GABRB1: variants seen among roughly 807,000 people sequenced by gnomAD.
GABRB1 encodes gamma-aminobutyric acid receptor subunit beta-1.
A neutral mutation model predicts 51.6 loss-of-function variants in GABRB1; 17 were observed. The ratio of observed to expected loss-of-function variants is 0.33; its 90% CI spans 0.23 to 0.49. GABRB1 has a LOEUF of 0.49. GABRB1 is among the 20% of genes least tolerant of loss of function. The probability of loss-of-function intolerance (pLI) is 0.99; values close to 1 mark genes in which losing one functional copy is unlikely to be tolerated. For synonymous variants in GABRB1, 247 were observed against 218.9 expected, an observed-to-expected ratio of 1.13 and a Z score of -1.14; for missense variants, 410 against 600.6, an observed-to-expected ratio of 0.68 and a Z score of 3.32.
intron 4 of GABRB1, among the ~76,000 whole-genome samples, chr4:47,199,342 A>T (rs572306518): frequency 3.3e-4 from 50 of 152,304 alleles, no homozygotes; most frequent in African/African-American, 1.1e-3. Flanking sequence ...AAAAGGTCAG[A>T]TTATTTATTC....
intron 8 of GABRB1, among the ~76,000 whole-genome samples, chr4:47,417,421 G>A (rs1213092703): frequency 6.6e-6 from 1 of 152,004 alleles, no homozygotes; most frequent in Non-Finnish European, 1.5e-5. Context: ...AAAGAGACAT[G>A]CAAAGCATCA....
chr4:47,217,701 C>CTT (rs1720608850), intron 4 of GABRB1, among the ~76,000 whole-genome samples: 1 of 151,004 alleles, frequency 6.6e-6, no homozygotes, highest in South Asian at 2.1e-4. Context: ...TTCTTTCTCT[C>CTT]TTTTTTATTA....
chr4:47,231,957 C>T (rs918901042), intron 4 of GABRB1, among the ~76,000 whole-genome samples: 11 of 152,118 alleles, frequency 7.2e-5, no homozygotes, highest in Non-Finnish European at 1.2e-4. Flanking sequence ...GCGTTAAGCC[C>T]TTTTGTAGAG....
intron 3 of GABRB1, among the ~76,000 whole-genome samples, chr4:47,119,110 A>G (rs1715634268): frequency 6.6e-6 from 1 of 152,214 alleles, no homozygotes; most frequent in Admixed American, 6.5e-5. Context: ...ATATATGTGT[A>G]TATAAACATA....
intron 3 of GABRB1, among the ~76,000 whole-genome samples, chr4:47,087,541 C>CT (rs71654862): frequency 0.11 from 15,726 of 139,536 alleles, 922 homozygotes; most frequent in South Asian, 0.18. Flanking sequence ...TTAGCACTTT[C>CT]TTTTTTTTTT....
At chr4:47,238,482 C>G (rs1274342598) in intron 4 of GABRB1, among the ~76,000 whole-genome samples, 2 of 152,050 alleles carry the variant, frequency 1.3e-5, no homozygotes, top group African/African-American at 4.8e-5. Context: ...GTGTTGGAAA[C>G]TATGCAACAA....
intron 3 of GABRB1, among the ~76,000 whole-genome samples, chr4:47,080,741 G>A (rs531886357): frequency 3.2e-4 from 49 of 152,182 alleles, no homozygotes; most frequent in African/African-American, 1.2e-3. Flanking sequence ...TAATAAGGTC[G>A]TCAATAGACA....
At position 47,069,036 on chromosome 4, in the gene GABRB1, T is replaced by C. The variant is rs967251471; in HGVS notation, c.240+36552T>C. Among the ~76,000 whole-genome samples, 15 of 152,186 alleles carry C rather than the reference T, an allele frequency of 9.9e-5. No homozygotes were observed. The East Asian group carries it at 2.9e-3, about 29-fold the overall frequency. ...TTCCAAACTAATCTCATCTCATCTC[T>C]AAATTTTGCCTTCTTTCCTCCATTT... On this transcript the variant is annotated intron_variant, in intron 3 of 8. Transcript: ENST00000295454.
intron 4 of GABRB1, among the ~76,000 whole-genome samples, chr4:47,236,576 A>C (rs1340533481): frequency 6.6e-6 from 1 of 152,122 alleles, no homozygotes; most frequent in Non-Finnish European, 1.5e-5. Context: ...AATTTGCCCA[A>C]ATTTTTAGAG....
At position 47,425,926 on chromosome 4, in the gene GABRB1, G is replaced by A. The variant is rs756455030; in HGVS notation, c.1333G>A (p.Asp445Asn). ...CAAAGTCAAGATCCCCGACTTGACTGATGTGAATTCCATAGACAAGTGGTC... is the reference window on the plus strand; with the variant it reads ...CAAAGTCAAGATCCCCGACTTGACTAATGTGAATTCCATAGACAAGTGGTC... ...QLKVKIPDLT[D>N]VNSIDKWSRM... Residue 445 changes from aspartate (D) to asparagine (N), a missense_variant, in exon 9 of 9, where the codon GAT becomes AAT. Physicochemically the swap from Asp to Asn is conservative, Grantham distance 23 (BLOSUM62 1). Around this residue, in one of 5 missense-constraint regions of GABRB1, gnomAD observed 181 missense variants for 195.6 expected, o/e 0.93. Transcript: ENST00000295454. The A allele has an allele frequency of 3.1e-6, 5 of 1,614,006 alleles. No individual in the cohort carries two copies. The highest frequency in any genetic ancestry group is 4.2e-6 in the Non-Finnish European group (5 of 1,179,970).
chr4:47,270,802 C>G (rs1479386764), intron 4 of GABRB1, among the ~76,000 whole-genome samples: 1 of 152,170 alleles, frequency 6.6e-6, no homozygotes, highest in Non-Finnish European at 1.5e-5. Context: ...AGGTAACTAC[C>G]TGACCATTAT....
At chr4:47,083,144 A>G (rs935421262) in intron 3 of GABRB1, among the ~76,000 whole-genome samples, 3 of 152,160 alleles carry the variant, frequency 2.0e-5, no homozygotes, top group African/African-American at 7.2e-5. Flanking sequence ...GCACACCAGA[A>G]TAAACACAAC....
chr4:47,121,781 C>G (rs928838120), intron 3 of GABRB1, among the ~76,000 whole-genome samples: 4 of 152,086 alleles, frequency 2.6e-5, no homozygotes, highest in Non-Finnish European at 5.9e-5. Flanking sequence ...AGACAACAGT[C>G]GTTTGGAATT....
At chr4:47,123,206 A>G (rs948408550) in intron 3 of GABRB1, among the ~76,000 whole-genome samples, 1 of 149,340 alleles carries the variant, frequency 6.7e-6, no homozygotes, top group South Asian at 2.1e-4. Flanking sequence ...TACAAAAGGT[A>G]CTATTCTGGG....
At chr4:47,030,151 A>G (rs1725242382), upstream of GABRB1, among the ~76,000 whole-genome samples, 1 of 152,132 alleles carries the variant, frequency 6.6e-6, no homozygotes, top group Non-Finnish European at 1.5e-5. Flanking sequence ...CCAATTACCC[A>G]TATGGTACAT....
At chr4:47,203,802 A>C (rs559737464) in intron 4 of GABRB1, among the ~76,000 whole-genome samples, 3 of 152,118 alleles carry the variant, frequency 2.0e-5, no homozygotes, top group Admixed American at 6.6e-5. Flanking sequence ...AGGTGGAGGC[A>C]AAACCTCACT....
intron 5 of GABRB1, among the ~76,000 whole-genome samples, chr4:47,383,864 G>A (rs1001294917): frequency 2.0e-5 from 3 of 152,058 alleles, no homozygotes; most frequent in African/African-American, 7.2e-5. Context: ...AATCATAATT[G>A]TTCTAGTGTC....
At chr4:46,996,235 G>T (rs1723992719) in intron 1 of GABRB1, among the ~76,000 whole-genome samples, 1 of 151,988 alleles carries the variant, frequency 6.6e-6, no homozygotes, top group Non-Finnish European at 1.5e-5. Context: ...AAATAGGAAG[G>T]TGTTAAAATC....
intron 4 of GABRB1, among the ~76,000 whole-genome samples, chr4:47,242,859 T>G (rs1250333804): frequency 1.3e-5 from 2 of 152,236 alleles, no homozygotes; most frequent in African/African-American, 2.4e-5. Flanking sequence ...TGAAGGTAGT[T>G]TCTTTTGCTG....
Sources: allele counts gnomAD v4.1 joint callset (sites outside exome capture counted in the v4.1 genomes callset), GRCh38; gene constraint gnomAD v4.1.1; regional missense constraint gnomAD v4.1.1; transcripts MANE v1.5; gene names NCBI Gene and HGNC (gene_info 2026-07-23, HGNC 2026-07-21).